PCDHGC3: variants seen among roughly 807,000 people sequenced by gnomAD.
PCDHGC3 encodes protocadherin gamma subfamily C, 3, also known as protocadherin gamma-C3.
PCDHGC3 carries 26 observed loss-of-function variants against 59.2 expected under a neutral mutation model. The ratio of observed to expected loss-of-function variants is 0.44; its 90% CI spans 0.32 to 0.61. The LOEUF (loss-of-function observed/expected upper bound fraction) is 0.61, where lower values mean the gene tolerates loss of function less well. Ranked by LOEUF, PCDHGC3 falls within the 20% of genes least tolerant of loss-of-function variation. The pLI, the probability that PCDHGC3 is intolerant of heterozygous loss-of-function variation, is 0.05. For missense variants in PCDHGC3, 1,080 were observed against 1,221.8 expected, an observed-to-expected ratio of 0.88 and a Z score of 1.73; for synonymous variants, 487 against 519.7, an observed-to-expected ratio of 0.94 and a Z score of 0.86.
In PCDHGC3 at chr5:141,476,714, C is replaced by G. The variant is rs146188020; in HGVS notation, c.598C>G (p.Arg200Gly). 3.1e-6 allele frequency: 5 copies of G among 1,614,036 alleles called. No individual in the cohort carries two copies. Among genetic ancestry groups the G allele is most frequent in the African/African-American group, 2.7e-5 (2 of 74,938 alleles). ...CAAGTACGCGGAGCTGGTGTTGGAGCGCGCCCTGGACCGAGAACGGGAGCC... is the reference window on the plus strand; with the variant it reads ...CAAGTACGCGGAGCTGGTGTTGGAGGGCGCCCTGGACCGAGAACGGGAGCC... ...STKYAELVLE[R>G]ALDREREPSL... The change falls in exon 1 of 4, where the codon CGC (arginine) becomes GGC (glycine). Residue 200 changes from arginine (R) to glycine (G), a missense_variant. Transcript: ENST00000308177. This position sits in a 1 kb window ranked among gnomAD's most constrained non-coding sequence, Gnocchi z 7.6.
chr5:141,480,712 A>G (rs559266864), intron 1 of PCDHGC3, among the ~76,000 whole-genome samples: 13 of 152,306 alleles, frequency 8.5e-5, no homozygotes, highest in African/African-American at 2.9e-4. Context: ...CCGACAAATG[A>G]AAGCACAGTC....
At chr5:141,495,277 G>A (rs2099760037) in intron 2 of PCDHGC3, among the ~76,000 whole-genome samples, 1 of 152,168 alleles carries the variant, frequency 6.6e-6, no homozygotes, top group African/African-American at 2.4e-5. Context: ...ACCGGAGGAG[G>A]CGGTCCGCAC....
chr5:141,507,487 G>A (rs889348168), intron 3 of PCDHGC3, among the ~76,000 whole-genome samples: 1 of 152,204 alleles, frequency 6.6e-6, no homozygotes, highest in African/African-American at 2.4e-5. Context: ...GCCTCCTGAG[G>A]CAGAGCTGTC....
intron 2 of PCDHGC3, among the ~76,000 whole-genome samples, chr5:141,503,685 G>A (rs1171934407): frequency 2.6e-5 from 4 of 151,882 alleles, no homozygotes; most frequent in African/African-American, 9.7e-5. Context: ...TTGGGAAGGA[G>A]AATTGAGATT....
chr5:141,499,457 T>G (rs1000400491), intron 2 of PCDHGC3, among the ~76,000 whole-genome samples: 1 of 152,214 alleles, frequency 6.6e-6, no homozygotes, highest in African/African-American at 2.4e-5. Context: ...CCCATCATTT[T>G]ACAATCTAGG....
Position 141,511,429 on chromosome 5 carries a change from G to A in PCDHGC3, c.*256G>A, listed in dbSNP as rs1414641314. 1.3e-6 allele frequency: 1 copy of A among 769,620 alleles called. No individual in the cohort carries two copies. The highest frequency in any genetic ancestry group is 2.0e-6 in the Non-Finnish European group (1 of 505,154). The allele number at this position is 769,620 out of a possible 1,614,324, so 47.7% of individuals were successfully genotyped here. On this transcript the variant is annotated 3_prime_UTR_variant, in exon 4 of 4. Transcript: ENST00000308177. The stretch of plus-strand genomic sequence containing the variant: ...CTGCTGTACCCATGGGGGTAGTGGG[G>A]TTACTGTAGACACCAAGAACCATTT...
Position 141,491,436 on chromosome 5 carries a change from G to A in PCDHGC3, c.2431-3371G>A, listed in dbSNP as rs771884610. ...ACGGGGGTGGAGGGCAGTGCTGCAG[G>A]CGCCAGGACTCACCCTCCCCGGACT... On this transcript the variant is annotated intron_variant, in intron 1 of 3. Coordinates refer to ENST00000308177, the MANE Select transcript of PCDHGC3 (RefSeq NM_002588.4). This position sits in a 1 kb window ranked among gnomAD's most constrained non-coding sequence, Gnocchi z 6.9. 1 of 1,614,070 alleles carries A rather than the reference G, an allele frequency of 6.2e-7. No individual in the cohort carries two copies. The highest frequency in any genetic ancestry group is 8.5e-7 in the Non-Finnish European group (1 of 1,180,034).
intron 3 of PCDHGC3, among the ~76,000 whole-genome samples, chr5:141,510,639 T>TATCA (rs998925545): frequency 1.4e-4 from 22 of 152,300 alleles, no homozygotes; most frequent in African/African-American, 4.6e-4. Context: ...TGGTTACCAT[T>TATCA]ATCATCCCCA....
intron 2 of PCDHGC3, among the ~76,000 whole-genome samples, chr5:141,500,431 G>A (rs1340129330): frequency 6.6e-6 from 1 of 151,476 alleles, no homozygotes; most frequent in Non-Finnish European, 1.5e-5. Flanking sequence ...GGATGGTCTC[G>A]ATCTCCTGAC....
chr5:141,478,097 A>G lies in PCDHGC3; in HGVS notation c.1981A>G (p.Thr661Ala), dbSNP rs757796085. ...NGEPSLSTTA[T>A]LTVSVTEDSP... Reference sequence around the variant, plus strand: ...GGAGCCTTCGCTCTCCACCACTGCTACCCTCACTGTGTCAGTAACCGAGGA... The same window carrying G: ...GGAGCCTTCGCTCTCCACCACTGCTGCCCTCACTGTGTCAGTAACCGAGGA... Residue 661 changes from threonine to alanine, a missense_variant, in exon 1 of 4, where the codon ACC becomes GCC. Transcript: ENST00000308177. 9.9e-6 allele frequency: 16 copies of G among 1,613,666 alleles called. No homozygotes were observed. Among genetic ancestry groups the G allele is most frequent in the Admixed American group, 1.7e-5 (1 of 59,970 alleles).
chr5:141,510,834 G>T, intron 3 of PCDHGC3, 113 bp from the exon 4 acceptor site: 1 of 1,581,880 alleles, frequency 6.3e-7, no homozygotes. Flanking sequence ...AGTGCTCAGC[G>T]TGGTCAAGGC....
chr5:141,489,571 G>A lies in PCDHGC3; in HGVS notation c.2431-5236G>A, dbSNP rs1206848223. The A allele has an allele frequency of 1.9e-6, 3 of 1,613,884 alleles. No individual in the cohort carries two copies. The highest frequency in any genetic ancestry group is 2.2e-5 in the South Asian group (2 of 91,070). On this transcript the variant is annotated intron_variant, in intron 1 of 3. Transcript: ENST00000308177. The surrounding 1 kb of genome is among the most constrained non-coding windows in gnomAD (Gnocchi z 4.5). ...CCTGCTGCCAGTGCAGGTGGTGACT[G>A]AACACCCCCTGGAGCTAATCCGTGT...
chr5:141,477,932 C>G lies in PCDHGC3; in HGVS notation c.1816C>G (p.Leu606Val), dbSNP rs1193822505. The G allele has an allele frequency of 3.1e-6, 5 of 1,614,040 alleles. No individual in the cohort carries two copies. The highest frequency in any genetic ancestry group is 4.2e-6 in the Non-Finnish European group (5 of 1,180,042). Residue 606 changes from leucine to valine, a missense_variant, in exon 1 of 4, where the codon CTC (leucine) becomes GTC (valine). Transcript: ENST00000308177. This position sits in a 1 kb window ranked among gnomAD's most constrained non-coding sequence, Gnocchi z 4.9. The part of the protein sequence containing the change: ...WDADAGHNAW[L>V]SYSLLGSPNQ... ...CGCGGATGCAGGGCACAATGCCTGG[C>G]TCTCCTACAGTCTCTTGGGATCCCC... is the stretch of plus-strand genomic sequence containing the variant.
intron 3 of PCDHGC3, 149 bp downstream of exon 3, chr5:141,505,630 A>G (rs558394591): frequency 4.7e-5 from 69 of 1,480,262 alleles, no homozygotes; most frequent in Admixed American, 2.2e-5. Flanking sequence ...AATTCCAAAC[A>G]TAAAGCCTGG....
chr5:141,489,126 T>G lies in PCDHGC3; in HGVS notation c.2431-5681T>G. 31 of 585,108 alleles carry G rather than the reference T, an allele frequency of 5.3e-5. No homozygotes were observed. Among genetic ancestry groups the G allele is most frequent in the South Asian group, 1.3e-4 (4 of 31,402 alleles). 36.2% of individuals were successfully genotyped at this position (585,108 alleles called of 1,614,324 possible). On this transcript the variant is annotated intron_variant, in intron 1 of 3. Transcript: ENST00000308177. The surrounding 1 kb of genome is among the most constrained non-coding windows in gnomAD (Gnocchi z 4.5). ...TGCAAGCAGGCAAACCTCCGAGCAG[T>G]TTTTAAGAGGCTGGAAGGAGACATA...
At position 141,491,381 on chromosome 5, in the gene PCDHGC3, C is replaced by CT. The variant is rs1554177905; in HGVS notation, c.2431-3426_2431-3425insT. The CT allele has an allele frequency of 2.8e-5, 45 of 1,614,068 alleles. No individual in the cohort carries two copies. Among genetic ancestry groups the CT allele is most frequent in the Non-Finnish European group, 3.5e-5 (41 of 1,179,950 alleles). On this transcript the variant is annotated intron_variant, in intron 1 of 3. Coordinates refer to ENST00000308177, the MANE Select transcript of PCDHGC3 (RefSeq NM_002588.4). This position sits in a 1 kb window ranked among gnomAD's most constrained non-coding sequence, Gnocchi z 6.9. ...CTAGTCACCTTCACCTTTCTGTCAG[C>CT]GAAGTGCCTTCAGGGAAACGCAGAC...
At position 141,477,263 on chromosome 5, in the gene PCDHGC3, G is replaced by C. The variant is rs543767777; in HGVS notation, c.1147G>C (p.Glu383Gln). Reference protein sequence around the residue: ...LLSVTDLDAGENGLVTCEVPP... With the variant: ...LLSVTDLDAGQNGLVTCEVPP... ...CAGTGTGACTGACCTGGATGCTGGC[G>C]AGAACGGGCTGGTGACCTGCGAAGT... The change falls in exon 1 of 4, where the codon GAG becomes CAG. Residue 383 changes from glutamate (E) to glutamine (Q), a missense_variant. Physicochemically the swap from Glu to Gln is conservative, Grantham distance 29 (BLOSUM62 2). Coordinates refer to ENST00000308177, the MANE Select transcript of PCDHGC3 (RefSeq NM_002588.4). The surrounding 1 kb of genome is among the most constrained non-coding windows in gnomAD (Gnocchi z 4.9). The C allele has an allele frequency of 6.2e-7, 1 of 1,614,192 alleles. No individual in the cohort carries two copies. The highest frequency in any genetic ancestry group is 1.3e-5 in the African/African-American group (1 of 75,058).
Position 141,486,886 on chromosome 5 carries a change from G to A in PCDHGC3, c.2431-7921G>A. The A allele has an allele frequency of 1.9e-6, 3 of 1,614,222 alleles. No individual in the cohort carries two copies. The highest frequency in any genetic ancestry group is 2.5e-6 in the Non-Finnish European group (3 of 1,180,044). ...CAGCTGTGCTCCGTCCTCGGGCCCGGCCTGGTTCCTTATGTCCCCAAGCAC... is the reference window on the plus strand; with the variant it reads ...CAGCTGTGCTCCGTCCTCGGGCCCGACCTGGTTCCTTATGTCCCCAAGCAC... On this transcript the variant is annotated intron_variant, in intron 1 of 3. Coordinates refer to ENST00000308177, the MANE Select transcript of PCDHGC3 (RefSeq NM_002588.4). This position sits in a 1 kb window ranked among gnomAD's most constrained non-coding sequence, Gnocchi z 5.0.
intron 1 of PCDHGC3, among the ~76,000 whole-genome samples, chr5:141,483,201 C>A (rs2099578254): frequency 6.6e-6 from 1 of 152,108 alleles, no homozygotes; most frequent in Non-Finnish European, 1.5e-5. Context: ...TTATTTTATT[C>A]CATATAGATG....
Sources: gnomAD v4.1 joint callset for allele counts (sites outside exome capture counted in the v4.1 genomes callset) on GRCh38, gnomAD v4.1.1 for gene constraint, Gnocchi (gnomAD v3.1) non-coding constraint, MANE v1.5 for transcripts, NCBI Gene and HGNC (gene_info 2026-07-23, HGNC 2026-07-21) for gene names.